CSNK1G1: variants seen among roughly 807,000 people sequenced by gnomAD.
CSNK1G1 encodes casein kinase I isoform gamma-1.
A neutral mutation model predicts 59.6 loss-of-function variants in CSNK1G1; 22 were observed. That is an observed-to-expected ratio of 0.37 (90% CI 0.26 to 0.53). The LOEUF (loss-of-function observed/expected upper bound fraction) is 0.53. Among genes scored for constraint, CSNK1G1 ranks in the 20% least tolerant of loss-of-function variants. The pLI is 0.89. For missense variants in CSNK1G1, 384 were observed against 519.5 expected (o/e 0.74, Z 2.54); for synonymous variants, 179 against 177.1 (o/e 1.01, Z -0.08).
chr15:64,211,557 T>G (rs1262622849), intron 6 of CSNK1G1, among the ~76,000 whole-genome samples: 1 of 152,168 alleles, frequency 6.6e-6, no homozygotes, highest in Non-Finnish European at 1.5e-5. Flanking sequence ...CAGTAGATGC[T>G]TAAAACAGAT....
chr15:64,328,921 CAAAG>C (rs1370802126), intron 1 of CSNK1G1, among the ~76,000 whole-genome samples: 1 of 135,088 alleles, frequency 7.4e-6, no homozygotes, highest in Non-Finnish European at 1.6e-5. Flanking sequence ...TCAAAAGAGA[CAAAG>C]AAGGCCATTA....
chr15:64,277,594 ATTT>A (rs1241075638), intron 2 of CSNK1G1, among the ~76,000 whole-genome samples: 1 of 139,676 alleles, frequency 7.2e-6, no homozygotes, highest in African/African-American at 2.6e-5. Context: ...ATATTAATAT[ATTT>A]AATAATATAT....
chr15:64,275,426 C>A (rs543648885), intron 2 of CSNK1G1, among the ~76,000 whole-genome samples: 47 of 152,282 alleles, frequency 3.1e-4, no homozygotes, highest in African/African-American at 1.1e-3. Context: ...ATAATGTTTT[C>A]ACTTTTACTA....
intron 4 of CSNK1G1, among the ~76,000 whole-genome samples, chr15:64,248,951 T>C (rs1457397109): frequency 6.6e-6 from 1 of 152,032 alleles, no homozygotes; most frequent in Non-Finnish European, 1.5e-5. Flanking sequence ...AAACCCCGTC[T>C]CTATTAAAAT....
intron 2 of CSNK1G1, among the ~76,000 whole-genome samples, chr15:64,277,851 A>C (rs865890390): frequency 8.2e-6 from 1 of 122,264 alleles, no homozygotes; most frequent in African/African-American, 2.7e-5. Flanking sequence ...ATATTTAATA[A>C]TAATATTGAT....
chr15:64,171,995 A>C lies in CSNK1G1; in HGVS notation c.1215-10T>G. On this transcript the variant is annotated splice_polypyrimidine_tract_variant and intron_variant, in intron 11 of 11. Coordinates refer to ENST00000303052, the MANE Select transcript of CSNK1G1 (RefSeq NM_022048.5). The surrounding 1 kb of genome is among the most constrained non-coding windows in gnomAD (Gnocchi z 4.8). The stretch of plus-strand genomic sequence containing the variant: ...AAAGAAACAGCAGCACCTGGAGCAC[A>C]AGGAACATTGCAAGTCAGTGCGGGA... 6.2e-7 allele frequency: 1 copy of C among 1,613,680 alleles called. No individual in the cohort carries two copies. Among genetic ancestry groups the C allele is most frequent in the African/African-American group, 1.3e-5 (1 of 75,052 alleles).
chr15:64,334,001 A>G (rs774653583), intron 1 of CSNK1G1, among the ~76,000 whole-genome samples: 6 of 152,320 alleles, frequency 3.9e-5, no homozygotes, highest in Admixed American at 6.5e-5. Flanking sequence ...ATCTTCGAGC[A>G]CTAGATAGAT....
chr15:64,324,967 A>G (rs922317396), intron 1 of CSNK1G1, among the ~76,000 whole-genome samples: 1 of 152,202 alleles, frequency 6.6e-6, no homozygotes, highest in Non-Finnish European at 1.5e-5. Context: ...ATTAGCTTGT[A>G]TTGTACAGTG....
At chr15:64,326,270 C>T (rs1896829377) in intron 1 of CSNK1G1, among the ~76,000 whole-genome samples, 1 of 152,154 alleles carries the variant, frequency 6.6e-6, no homozygotes, top group South Asian at 2.1e-4. Context: ...AAGTGATCCA[C>T]CTACCTCAGC....
chr15:64,280,029 C>T (rs1008410467), intron 2 of CSNK1G1, among the ~76,000 whole-genome samples: 2 of 148,538 alleles, frequency 1.3e-5, no homozygotes, highest in Non-Finnish European at 3.0e-5. Flanking sequence ...AATGCATAAA[C>T]AAAATGTGGT....
At position 64,176,884 on chromosome 15, in the gene CSNK1G1, A is replaced by G. The variant is rs1056377265; in HGVS notation, c.1214+3464T>C. On this transcript the variant is annotated intron_variant, in intron 11 of 11. Coordinates refer to ENST00000303052, the MANE Select transcript of CSNK1G1 (RefSeq NM_022048.5). This position sits in a 1 kb window ranked among gnomAD's most constrained non-coding sequence, Gnocchi z 5.2. ...GAGGGTCACTGCTCTGTATTAAGGT[A>G]TAACTACCAGAGAAGGACCTAAATT... Among the ~76,000 whole-genome samples the G allele has an allele frequency of 6.6e-6, 1 of 152,228 alleles. No homozygotes were observed. The highest frequency in any genetic ancestry group is 6.5e-5 in the Admixed American group (1 of 15,282).
At position 64,167,447 on chromosome 15, in the gene CSNK1G1, C is replaced by G. The variant is rs563869377; in HGVS notation, c.*4484G>C. 1 of 152,670 alleles carries G rather than the reference C, an allele frequency of 6.6e-6. No homozygotes were observed. Among genetic ancestry groups the G allele is most frequent in the African/African-American group, 2.4e-5 (1 of 41,466 alleles). The allele number at this position is 152,670 out of a possible 1,614,324, so 9.5% of individuals were successfully genotyped here. On this transcript the variant is annotated 3_prime_UTR_variant, in exon 12 of 12. Transcript: ENST00000303052. ...TGCCATCGACCTCTAGACAGGACTT[C>G]CCTGGAGTCTGCAAAAGCAAGAACC...
intron 1 of CSNK1G1, among the ~76,000 whole-genome samples, chr15:64,303,317 T>C (rs1175063494): frequency 4.6e-5 from 6 of 131,484 alleles, no homozygotes; most frequent in Admixed American, 7.3e-5. Flanking sequence ...AAAAACCCTA[T>C]AGAAAGCCAA....
At chr15:64,338,860 A>G (rs1188513994) in intron 1 of CSNK1G1, among the ~76,000 whole-genome samples, 1 of 152,086 alleles carries the variant, frequency 6.6e-6, no homozygotes, top group African/African-American at 2.4e-5. Flanking sequence ...TCTACTAAAA[A>G]TACAAAATTA....
intron 4 of CSNK1G1, among the ~76,000 whole-genome samples, chr15:64,227,659 T>G (rs1863092332): frequency 6.6e-6 from 1 of 152,218 alleles, no homozygotes. Context: ...AAATACACGG[T>G]CTTTTCTTCA....
At chr15:64,324,484 A>T (rs1896734971) in intron 1 of CSNK1G1, among the ~76,000 whole-genome samples, 1 of 152,224 alleles carries the variant, frequency 6.6e-6, no homozygotes, top group Non-Finnish European at 1.5e-5. Context: ...ACCCTCGAAG[A>T]ACATCTGACT....
intron 2 of CSNK1G1, among the ~76,000 whole-genome samples, chr15:64,283,777 C>A (rs1776145865): frequency 6.6e-6 from 1 of 152,208 alleles, no homozygotes; most frequent in South Asian, 2.1e-4. Context: ...GCCACTGCAC[C>A]TAGCCAACTT....
At chr15:64,335,259 G>A (rs1348404206) in intron 1 of CSNK1G1, among the ~76,000 whole-genome samples, 3 of 152,092 alleles carry the variant, frequency 2.0e-5, no homozygotes, top group Non-Finnish European at 4.4e-5. Flanking sequence ...AACCTTATCT[G>A]AGAAGATGGC....
chr15:64,295,186 A>AGTCCTT (rs1894954311), intron 2 of CSNK1G1, among the ~76,000 whole-genome samples: 2 of 152,138 alleles, frequency 1.3e-5, no homozygotes, highest in South Asian at 4.1e-4. Flanking sequence ...CTGCCTTCCC[A>AGTCCTT]ACCACTCTCC....
Sources: allele counts gnomAD v4.1 joint callset (sites outside exome capture counted in the v4.1 genomes callset), GRCh38; gene constraint gnomAD v4.1.1; non-coding constraint Gnocchi (gnomAD v3.1); transcripts MANE v1.5; gene names NCBI Gene and HGNC (gene_info 2026-07-23, HGNC 2026-07-21).